The following RBFOX1 variants were observed in gnomAD, a reference collection of about 807,000 sequenced individuals.
RBFOX1 encodes the protein RNA binding protein fox-1 homolog 1.
Under a neutral mutation model 57.7 loss-of-function variants are expected in RBFOX1, and 8 were observed. The observed-to-expected ratio is 0.14, with a 90% CI of 0.08 to 0.25. The LOEUF is 0.25. Ranked by LOEUF, RBFOX1 falls within the 10% of genes least tolerant of loss-of-function variation. The pLI is 1.00. For synonymous variants in RBFOX1, 326 were observed against 222.4 expected (o/e 1.47, Z -4.15); for missense variants, 611 against 548.5 (o/e 1.11, Z -1.14).
At chr16:7,591,421 G>A (rs1317223536) in intron 7 of RBFOX1, among the ~76,000 whole-genome samples, 1 of 152,034 alleles carries the variant, frequency 6.6e-6, no homozygotes, top group African/African-American at 2.4e-5. Flanking sequence ...TGGTGTATTT[G>A]CATGAATGCA....
At chr16:5,486,442 A>G (rs1454474879) in intron 2 of RBFOX1, among the ~76,000 whole-genome samples, 1 of 152,188 alleles carries the variant, frequency 6.6e-6, no homozygotes, top group Non-Finnish European at 1.5e-5. Context: ...CAACTCCGTC[A>G]TTGTACAGAG....
chr16:6,281,002 TG>T (rs1444339424), intron 1 of RBFOX1, among the ~76,000 whole-genome samples: 3 of 151,898 alleles, frequency 2.0e-5, no homozygotes, highest in Non-Finnish European at 4.4e-5. Context: ...TGTGTATATA[TG>T]TATATATATA....
intron 5 of RBFOX1, among the ~76,000 whole-genome samples, chr16:7,534,279 G>T (rs1007041426): frequency 6.6e-6 from 1 of 151,234 alleles, no homozygotes; most frequent in East Asian, 1.9e-4. Context: ...TTTTAGTAGA[G>T]ATGGGGTTTC....
At chr16:6,967,099 C>G (rs143151310) in intron 3 of RBFOX1, among the ~76,000 whole-genome samples, 2 of 152,136 alleles carry the variant, frequency 1.3e-5, no homozygotes, top group African/African-American at 2.4e-5. Context: ...TTCTATTTGT[C>G]TATACACTCA....
At chr16:7,153,610 G>A (rs1356557841) in intron 4 of RBFOX1, among the ~76,000 whole-genome samples, 1 of 151,602 alleles carries the variant, frequency 6.6e-6, no homozygotes, top group Non-Finnish European at 1.5e-5. Flanking sequence ...GATGGTGGTG[G>A]GGGGAGGGGG....
chr16:6,499,694 AT>A (rs2095861636), intron 2 of RBFOX1, among the ~76,000 whole-genome samples: 1 of 152,002 alleles, frequency 6.6e-6, no homozygotes, highest in Non-Finnish European at 1.5e-5. Context: ...CCAGAGTCCT[AT>A]GTTGGCTGGT....
At chr16:7,197,222 G>A (rs1275315819) in intron 4 of RBFOX1, among the ~76,000 whole-genome samples, 12 of 152,176 alleles carry the variant, frequency 7.9e-5, no homozygotes, top group East Asian at 5.8e-4. Context: ...CTTCATAGCC[G>A]TTGTCTTTAG....
At position 5,880,927 on chromosome 16, in the gene RBFOX1, C is replaced by T. The variant is rs577848227; in HGVS notation, c.351+13592C>T. The stretch of plus-strand genomic sequence containing the variant: ...AGTAATTACCATAATTTGGAAGTAG[C>T]GATAAGCATTATGATATTTTGAGAT... On this transcript the variant is annotated intron_variant, in intron 4 of 19. Coordinates refer to the RBFOX1 transcript ENST00000641259. Among the ~76,000 whole-genome samples, 43 of 152,118 alleles carry T rather than the reference C, an allele frequency of 2.8e-4. 1 individual carries two copies. Among genetic ancestry groups the T allele is most frequent in the Admixed American group, 2.2e-3 (34 of 15,284 alleles).
At chr16:7,311,381 A>G (rs144589296) in intron 4 of RBFOX1, among the ~76,000 whole-genome samples, 3 of 152,060 alleles carry the variant, frequency 2.0e-5, no homozygotes, top group African/African-American at 7.2e-5. Flanking sequence ...TTTTGTGGCC[A>G]TAGAACAAAG....
intron 3 of RBFOX1, among the ~76,000 whole-genome samples, chr16:5,699,862 C>G (rs1341021173): frequency 1.3e-5 from 2 of 152,118 alleles, no homozygotes; most frequent in Non-Finnish European, 1.5e-5. Context: ...AAGACGGAGT[C>G]TTGCTCTGTC....
At chr16:6,600,897 C>T (rs1296891331) in intron 2 of RBFOX1, among the ~76,000 whole-genome samples, 3 of 152,148 alleles carry the variant, frequency 2.0e-5, no homozygotes, top group Non-Finnish European at 4.4e-5. Flanking sequence ...TATGAAAAAG[C>T]CTCTAATATG....
chr16:6,189,091 T>A (rs918305578), intron 1 of RBFOX1, among the ~76,000 whole-genome samples: 24 of 152,228 alleles, frequency 1.6e-4, no homozygotes, highest in Admixed American at 1.6e-3. Context: ...CCTCTGAAAA[T>A]TACCTGTGCC....
At chr16:7,703,433 C>G (rs1355701568) in intron 14 of RBFOX1, among the ~76,000 whole-genome samples, 1 of 150,636 alleles carries the variant, frequency 6.6e-6, no homozygotes, top group Non-Finnish European at 1.5e-5. Context: ...TTCTGCTCCA[C>G]AGGATTCACC....
intron 2 of RBFOX1, among the ~76,000 whole-genome samples, chr16:6,466,702 A>G (rs182789789): frequency 1.4e-3 from 218 of 152,276 alleles, no homozygotes; most frequent in Non-Finnish European, 2.9e-3. Context: ...CCTTTCAATC[A>G]TGTTTCTAAG....
Position 6,882,298 on chromosome 16 carries a change from C to T in RBFOX1, c.-15-169759C>T, listed in dbSNP as rs1234701387. Reference sequence around the variant, plus strand: ...GGATGATGGGGAGGAACAACCTGTGCACTGGGTCTCATCCTTGTTGTTTGC... The same window carrying T: ...GGATGATGGGGAGGAACAACCTGTGTACTGGGTCTCATCCTTGTTGTTTGC... On this transcript the variant is annotated intron_variant, in intron 3 of 15. Coordinates refer to ENST00000550418, the MANE Select transcript of RBFOX1 (RefSeq NM_018723.4). 2.6e-5 allele frequency among the ~76,000 whole-genome samples: 4 copies of T among 152,272 alleles called. No individual in the cohort carries two copies. In the South Asian group the frequency reaches 6.2e-4, roughly 24 times the overall value.
intron 10 of RBFOX1, among the ~76,000 whole-genome samples, chr16:7,613,680 T>C (rs138527399): frequency 1.3e-5 from 2 of 152,276 alleles, no homozygotes; most frequent in Non-Finnish European, 2.9e-5. Context: ...CATCTCAGAA[T>C]TGGGTCAAAA....
intron 4 of RBFOX1, among the ~76,000 whole-genome samples, chr16:5,940,454 G>A (rs2059256541): frequency 1.3e-5 from 2 of 152,170 alleles, no homozygotes. Context: ...ACCTTTCCAA[G>A]GTCACCCACC....
At chr16:7,531,476 A>T (rs1024398994) in intron 5 of RBFOX1, among the ~76,000 whole-genome samples, 1 of 152,190 alleles carries the variant, frequency 6.6e-6, no homozygotes, top group Non-Finnish European at 1.5e-5. Flanking sequence ...AAACCAGAAC[A>T]TAGAGAAATC....
intron 2 of RBFOX1, among the ~76,000 whole-genome samples, chr16:5,469,360 G>A (rs575310013): frequency 1.3e-5 from 2 of 152,336 alleles, no homozygotes; most frequent in South Asian, 4.1e-4. Flanking sequence ...GAGCAAGGAA[G>A]CATCTAATGA....
Sources: gnomAD v4.1 joint callset for allele counts (sites outside exome capture counted in the v4.1 genomes callset) on GRCh38, gnomAD v4.1.1 for gene constraint, MANE v1.5 for transcripts, NCBI Gene and HGNC (gene_info 2026-07-23, HGNC 2026-07-21) for gene names.